Variants in HBP1 observed in about 807,000 individuals in gnomAD.
The protein encoded by HBP1 is HMG box-containing protein 1.
HBP1 carries 20 observed loss-of-function variants against 62.6 expected under a neutral mutation model. That is an observed-to-expected ratio of 0.32 (90% confidence interval 0.22 to 0.46). HBP1 has a LOEUF of 0.46. Among genes scored for constraint, HBP1 ranks in the 20% least tolerant of loss-of-function variants. The pLI, the probability that HBP1 is intolerant of heterozygous loss-of-function variation, is 1.00. For missense variants in HBP1, 480 were observed against 611.8 expected, an observed-to-expected ratio of 0.78 and a Z score of 2.27; for synonymous variants, 232 against 206.2, an observed-to-expected ratio of 1.12 and a Z score of -1.07.
At chr7:107,189,718 G>T (rs1295886961) in intron 7 of HBP1, among the ~76,000 whole-genome samples, 2 of 152,110 alleles carry the variant, frequency 1.3e-5, no homozygotes, top group Non-Finnish European at 2.9e-5. Context: ...TATAGTTTGG[G>T]TAATGTAGTG....
chr7:107,196,177 C>A, intron 9 of HBP1, 26 bp downstream of exon 9: 3 of 1,256,698 alleles, frequency 2.4e-6, no homozygotes, highest in Non-Finnish European at 3.5e-6. Context: ...ATTCTGATTA[C>A]AATAAATGAG....
chr7:107,175,439 G>A (rs1219300563), intron 1 of HBP1, among the ~76,000 whole-genome samples: 2 of 152,138 alleles, frequency 1.3e-5, no homozygotes, highest in Admixed American at 1.3e-4. Context: ...GGCAAATCTG[G>A]TATTTAAACT....
intron 9 of HBP1, among the ~76,000 whole-genome samples, chr7:107,197,717 C>CA (rs1279589100): frequency 7.2e-5 from 11 of 152,108 alleles, no homozygotes; most frequent in Non-Finnish European, 1.6e-4. Flanking sequence ...TTGGATCTGT[C>CA]AGTCATTTGT....
intron 6 of HBP1, 128 bp from the exon 7 acceptor site, chr7:107,189,164 C>A: frequency 2.9e-6 from 2 of 681,058 alleles, no homozygotes; most frequent in Non-Finnish European, 4.9e-6. Flanking sequence ...GGTTTGAAAG[C>A]TCTTTAATGG....
At chr7:107,170,862 C>G (rs1796521896) in intron 1 of HBP1, among the ~76,000 whole-genome samples, 1 of 149,784 alleles carries the variant, frequency 6.7e-6, no homozygotes, top group South Asian at 2.1e-4. Context: ...CAGGGCATAC[C>G]TCTCAGACGT....
chr7:107,180,039 C>T lies in HBP1; in HGVS notation c.146C>T (p.Ser49Phe), dbSNP rs1040003101. The change falls in exon 2 of 11, where the codon TCC (serine) becomes TTC (phenylalanine). Residue 49 changes from serine to phenylalanine, a missense_variant. By Grantham distance (155) the Ser-to-Phe change is radical. Transcript: ENST00000222574. ...TTGCCATCTTCACCTGGATATAACTCCTGTGATGAACACATGGAGCTTGGT... is the reference window on the plus strand; with the variant it reads ...TTGCCATCTTCACCTGGATATAACTTCTGTGATGAACACATGGAGCTTGGT... ...ENLPSSPGYNSCDEHMELDDL... is the reference protein window; with the variant it reads ...ENLPSSPGYNFCDEHMELDDL... The T allele has an allele frequency of 2.5e-6, 4 of 1,588,772 alleles. No homozygotes were observed. The highest frequency in any genetic ancestry group is 3.4e-6 in the Non-Finnish European group (4 of 1,159,672).
rs764515371 is a variant in HBP1, at chr7:107,179,957, G to T, written c.64G>T (p.Asp22Tyr). The change falls in exon 2 of 11, where the codon GAC (aspartate) becomes TAC (tyrosine). Residue 22 changes from aspartate to tyrosine, a missense_variant. Coordinates refer to ENST00000222574, the MANE Select transcript of HBP1 (RefSeq NM_012257.4). ...NAVQKLLLVM[D>Y]KRASGMNDSL... ...AGTACAGAAACTCCTGTTGGTGATG[G>T]ACAAGAGAGCCTCAGGAATGAATGA... 6.2e-7 allele frequency: 1 copy of T among 1,611,662 alleles called. No individual in the cohort carries two copies.
intron 3 of HBP1, among the ~76,000 whole-genome samples, chr7:107,183,799 A>C (rs1256451282): frequency 6.6e-6 from 1 of 152,182 alleles, no homozygotes; most frequent in Non-Finnish European, 1.5e-5. Context: ...TATCTCCCTG[A>C]GGATGTATTA....
At chr7:107,193,782 G>A (rs953300598) in intron 8 of HBP1, among the ~76,000 whole-genome samples, 3 of 152,112 alleles carry the variant, frequency 2.0e-5, no homozygotes, top group African/African-American at 7.2e-5. Context: ...ACATGAGCTC[G>A]ATCTGGACTG....
intron 6 of HBP1, among the ~76,000 whole-genome samples, chr7:107,187,742 G>T (rs1584492470): frequency 6.6e-6 from 1 of 152,206 alleles, no homozygotes; most frequent in Non-Finnish European, 1.5e-5. Context: ...GAAGAGAGAC[G>T]TCGTTTGTTC....
chr7:107,171,073 A>ATATATATATTTT, intron 1 of HBP1, among the ~76,000 whole-genome samples: 3 of 87,200 alleles, frequency 3.4e-5, no homozygotes, highest in Non-Finnish European at 3.9e-5. Context: ...ATATATATAT[A>ATATATATATTTT]TTTTTTTTTT....
chr7:107,191,542 G>T (rs1797651925), intron 8 of HBP1, among the ~76,000 whole-genome samples: 1 of 152,164 alleles, frequency 6.6e-6, no homozygotes, highest in African/African-American at 2.4e-5. Flanking sequence ...GATGGTGCAA[G>T]TAAGTTTGTA....
At chr7:107,196,748 A>C (rs1414901251) in intron 9 of HBP1, 2 of 156,310 alleles carry the variant, frequency 1.3e-5, no homozygotes, top group Non-Finnish European at 2.8e-5. Flanking sequence ...TCCCAGGCTC[A>C]ATCCTCCCAC....
At chr7:107,176,773 G>C (rs985398993) in intron 1 of HBP1, among the ~76,000 whole-genome samples, 1 of 143,938 alleles carries the variant, frequency 6.9e-6, no homozygotes, top group African/African-American at 2.6e-5. Flanking sequence ...AAATAGATTT[G>C]TGTTACACAT....
At chr7:107,174,454 T>C (rs1796742203) in intron 1 of HBP1, 1 of 984,798 alleles carries the variant, frequency 1.0e-6, no homozygotes. Flanking sequence ...TAAGGAGTTT[T>C]GGGATGGTGG....
intron 10 of HBP1, 108 bp downstream of exon 10, chr7:107,200,409 T>C: frequency 1.3e-6 from 1 of 779,536 alleles, no homozygotes; most frequent in Non-Finnish European, 2.0e-6. Context: ...TGATGCTGTC[T>C]CTAGCATTTT....
chr7:107,186,303 A>T (rs1797371535), intron 4 of HBP1, 58 bp from the exon 5 acceptor site: 1 of 1,009,420 alleles, frequency 9.9e-7, no homozygotes, highest in African/African-American at 1.6e-5. Flanking sequence ...ATGAAAACAG[A>T]TATTAAAAGG....
chr7:107,174,931 A>G (rs1455020925), intron 1 of HBP1, among the ~76,000 whole-genome samples: 2 of 152,162 alleles, frequency 1.3e-5, no homozygotes, highest in African/African-American at 4.8e-5. Context: ...TAAACTGTTA[A>G]TATTAGGTGT....
intron 2 of HBP1, among the ~76,000 whole-genome samples, chr7:107,182,085 T>C (rs1465459145): frequency 1.3e-5 from 2 of 152,198 alleles, no homozygotes; most frequent in African/African-American, 4.8e-5. Flanking sequence ...AATAAGTCCA[T>C]ATTGCACACA....
Sources: gnomAD v4.1 joint callset for allele counts (sites outside exome capture counted in the v4.1 genomes callset) on GRCh38, gnomAD v4.1.1 for gene constraint, MANE v1.5 for transcripts, NCBI Gene and HGNC (gene_info 2026-07-23, HGNC 2026-07-21) for gene names.